The following HOMER1 variants were observed in gnomAD, a reference collection of about 807,000 sequenced individuals.
The protein encoded by HOMER1 is homer protein homolog 1.
A neutral mutation model predicts 48.9 loss-of-function variants in HOMER1; 3 were observed. The observed-to-expected ratio is 0.06, with a 90% CI of 0.03 to 0.16. HOMER1 has a LOEUF of 0.16. Among genes scored for constraint, HOMER1 ranks in the 10% least tolerant of loss-of-function variants. The pLI is 1.00. For missense variants in HOMER1, 247 were observed against 411.4 expected (o/e 0.60, Z 3.46); for synonymous variants, 134 against 146.4 (o/e 0.92, Z 0.61).
At chr5:79,378,187 C>A (rs977445890) in intron 8 of HOMER1, among the ~76,000 whole-genome samples, 2 of 138,692 alleles carry the variant, frequency 1.4e-5, no homozygotes, top group African/African-American at 5.7e-5. Flanking sequence ...TTACTGCACT[C>A]CAGCCGCCTG....
At chr5:79,438,876 T>TAAAAA (rs78093840) in intron 5 of HOMER1, 134 bp downstream of exon 5, 10 of 489,476 alleles carry the variant, frequency 2.0e-5, no homozygotes, top group South Asian at 1.1e-4. Flanking sequence ...ACAGAAGCAG[T>TAAAAA]AAAAAAAAAA....
chr5:79,506,200 C>T (rs994958578), intron 1 of HOMER1, among the ~76,000 whole-genome samples: 5 of 151,728 alleles, frequency 3.3e-5, no homozygotes, highest in South Asian at 2.1e-4. Context: ...CTGCAACCTC[C>T]GCCTCACAGG....
At chr5:79,415,480 A>C (rs572835668) in intron 5 of HOMER1, among the ~76,000 whole-genome samples, 16 of 152,350 alleles carry the variant, frequency 1.1e-4, no homozygotes, top group African/African-American at 3.6e-4. Flanking sequence ...CATATGATGA[A>C]GTTATAAGAA....
intron 4 of HOMER1, among the ~76,000 whole-genome samples, chr5:79,446,173 C>T (rs1750874466): frequency 1.3e-5 from 2 of 152,144 alleles, no homozygotes; most frequent in African/African-American, 4.8e-5. Flanking sequence ...CTGATCCATA[C>T]ATCTGATCCA....
At chr5:79,419,964 G>C (rs530639033) in intron 5 of HOMER1, among the ~76,000 whole-genome samples, 86 of 151,806 alleles carry the variant, frequency 5.7e-4, no homozygotes, top group African/African-American at 2.1e-3. Context: ...GTTTCATTTG[G>C]AGAAGATGTA....
chr5:79,493,955 TC>T (rs1263771338), intron 1 of HOMER1, among the ~76,000 whole-genome samples: 8 of 152,182 alleles, frequency 5.3e-5, no homozygotes, highest in Non-Finnish European at 1.0e-4. Context: ...ACCCTACACT[TC>T]TCAAACTTCA....
chr5:79,512,849 T>C lies in HOMER1; in HGVS notation c.-75A>G, dbSNP rs1236646113. 11 of 1,499,962 alleles carry C rather than the reference T, an allele frequency of 7.3e-6. No homozygotes were observed. The highest frequency in any genetic ancestry group is 1.0e-5 in the Non-Finnish European group (11 of 1,077,160). 92.9% of individuals were successfully genotyped at this position (1,499,962 alleles called of 1,614,324 possible). A position where few individuals can be genotyped will look rare whatever the true frequency, so the allele number is the denominator to read the frequency against. ...TAACTTCCAAAGGAATTTCTCCGTC[T>C]GCTATTTCGCAGTTGCTTTTCCACC... On this transcript the variant is annotated 5_prime_UTR_variant, in exon 1 of 9. Coordinates refer to ENST00000334082, the MANE Select transcript of HOMER1 (RefSeq NM_004272.5).
chr5:79,385,508 T>C (rs1749086352), intron 8 of HOMER1, among the ~76,000 whole-genome samples: 1 of 151,982 alleles, frequency 6.6e-6, no homozygotes, highest in South Asian at 2.1e-4. Context: ...ATGCTCAATA[T>C]CACTAATCAT....
chr5:79,492,971 T>C (rs1289976894), intron 1 of HOMER1, among the ~76,000 whole-genome samples: 1 of 134,452 alleles, frequency 7.4e-6, no homozygotes, highest in Non-Finnish European at 1.5e-5. Context: ...CAGGCTGGAG[T>C]GCAGTGGCAC....
At chr5:79,410,481 C>T (rs1487879728) in intron 5 of HOMER1, among the ~76,000 whole-genome samples, 2 of 127,930 alleles carry the variant, frequency 1.6e-5, no homozygotes, top group African/African-American at 3.2e-5. Context: ...AAGAGTGAAA[C>T]TCTATCTCAA....
chr5:79,507,974 C>G (rs374622825), intron 1 of HOMER1, among the ~76,000 whole-genome samples: 1 of 152,174 alleles, frequency 6.6e-6, no homozygotes, highest in Admixed American at 6.5e-5. Context: ...AACTACACAT[C>G]TCTCAGTCAC....
At chr5:79,506,150 G>A (rs1193690596) in intron 1 of HOMER1, among the ~76,000 whole-genome samples, 1 of 151,490 alleles carries the variant, frequency 6.6e-6, no homozygotes, top group East Asian at 1.9e-4. Flanking sequence ...GTTTCCCTCT[G>A]GTTGCCCAGG....
rs561308193 is a variant in HOMER1, at chr5:79,390,861, A to G, written c.876+5962T>C. On this transcript the variant is annotated intron_variant, in intron 8 of 8. Coordinates refer to ENST00000334082, the MANE Select transcript of HOMER1 (RefSeq NM_004272.5). Reference sequence around the variant, plus strand: ...CAGCTGTTGTATGAAAAGGAAATAAAGTCAAAATTACAGAATTTCCAGAAA... The same window carrying G: ...CAGCTGTTGTATGAAAAGGAAATAAGGTCAAAATTACAGAATTTCCAGAAA... 3.3e-5 allele frequency among the ~76,000 whole-genome samples: 5 copies of G among 152,312 alleles called. No homozygotes were observed. In the East Asian group the frequency reaches 7.7e-4, roughly 24 times the overall value.
intron 5 of HOMER1, among the ~76,000 whole-genome samples, chr5:79,424,024 A>G (rs1750175395): frequency 6.6e-6 from 1 of 152,068 alleles, no homozygotes; most frequent in Non-Finnish European, 1.5e-5. Context: ...TTCAGAACAC[A>G]TTCTATAAAC....
In HOMER1 at chr5:79,513,449, G is replaced by A. The variant is rs2112392351; in HGVS notation, c.-675C>T. ...AGAGAAGAGGTGGGGAGGACGAAGA[G>A]AAGGCTAGGCAGGATCGATTCATTC... On this transcript the variant is annotated 5_prime_UTR_variant, in exon 1 of 9. Coordinates refer to ENST00000334082, the MANE Select transcript of HOMER1 (RefSeq NM_004272.5). 6.5e-6 allele frequency: 1 copy of A among 152,696 alleles called. No individual in the cohort carries two copies. The highest frequency in any genetic ancestry group is 6.5e-5 in the Admixed American group (1 of 15,312). 9.5% of individuals were successfully genotyped at this position (152,696 alleles called of 1,614,324 possible).
intron 1 of HOMER1, chr5:79,510,490 T>C (rs1429875082): frequency 2.8e-6 from 2 of 705,078 alleles, no homozygotes; most frequent in Non-Finnish European, 2.6e-6. Flanking sequence ...GGCACAGAAA[T>C]GGTATCAAGA....
intron 5 of HOMER1, among the ~76,000 whole-genome samples, chr5:79,433,133 A>G (rs1207528429): frequency 1.3e-5 from 2 of 152,218 alleles, no homozygotes; most frequent in African/African-American, 2.4e-5. Context: ...GTTTATTACT[A>G]TAATCTAAGA....
intron 6 of HOMER1, 140 bp from the exon 7 acceptor site, chr5:79,397,777 A>G: frequency 4.2e-6 from 2 of 480,474 alleles, no homozygotes; most frequent in Non-Finnish European, 7.2e-6. Flanking sequence ...AAGACACTCA[A>G]GGTAGAGTGA....
intron 8 of HOMER1, among the ~76,000 whole-genome samples, chr5:79,389,805 T>A (rs998715339): frequency 3.9e-5 from 6 of 152,146 alleles, no homozygotes. Context: ...CAGGAAACAT[T>A]TAATATATTT....
Sources: gnomAD v4.1 joint callset for allele counts (sites outside exome capture counted in the v4.1 genomes callset) on GRCh38, gnomAD v4.1.1 for gene constraint, MANE v1.5 for transcripts, NCBI Gene and HGNC (gene_info 2026-07-23, HGNC 2026-07-21) for gene names.